The following MNAT1 variants were observed in gnomAD, a reference collection of about 807,000 sequenced individuals.
MNAT1 encodes MNAT1 component of CDK activating kinase.
A neutral mutation model predicts 42.0 loss-of-function variants in MNAT1; 43 were observed. That is an observed-to-expected ratio of 1.02 (90% CI 0.80 to 1.32). The LOEUF (loss-of-function observed/expected upper bound fraction) is 1.32. Among genes scored for constraint, MNAT1 ranks in the 40% most tolerant of loss-of-function variants. The pLI is 0.00. For synonymous variants in MNAT1, 118 were observed against 120.0 expected, an observed-to-expected ratio of 0.98 and a Z score of 0.11; for missense variants, 306 against 350.4, an observed-to-expected ratio of 0.87 and a Z score of 1.01.
At chr14:60,747,732 C>G (rs780501741) in intron 1 of MNAT1, among the ~76,000 whole-genome samples, 22 of 152,130 alleles carry the variant, frequency 1.4e-4, no homozygotes, top group Non-Finnish European at 7.4e-5. Flanking sequence ...AATTTTCTTT[C>G]TTCAATAATA....
rs79774659 is a variant in MNAT1 at position 60,965,795 on chromosome 14, G to A, written c.810-2434G>A. Among the ~76,000 whole-genome samples, 743 of 152,264 alleles carry A rather than the reference G, an allele frequency of 4.9e-3. 2 individuals carry two copies. The highest frequency in any genetic ancestry group is 0.028 in the East Asian group (145 of 5,176). On this transcript the variant is annotated intron_variant, in intron 7 of 7. Transcript: ENST00000261245. Reference sequence around the variant, plus strand: ...TGAGGATCTGAGGAAAGGAAAGGGTGATACATTATCATCTGGTGTGCGGAT... The same window carrying A: ...TGAGGATCTGAGGAAAGGAAAGGGTAATACATTATCATCTGGTGTGCGGAT...
At chr14:60,919,941 C>G (rs1383530665) in intron 7 of MNAT1, 2 of 158,816 alleles carry the variant, frequency 1.3e-5, no homozygotes, top group African/African-American at 4.8e-5. Flanking sequence ...TTGTTCCTCT[C>G]TGTATACTGG....
intron 1 of MNAT1, among the ~76,000 whole-genome samples, chr14:60,763,690 G>A (rs1371232557): frequency 6.6e-6 from 1 of 152,102 alleles, no homozygotes; most frequent in Non-Finnish European, 1.5e-5. Context: ...TAATAATTGA[G>A]CACAATTATT....
At chr14:60,883,098 C>G (rs1361235157) in intron 7 of MNAT1, among the ~76,000 whole-genome samples, 1 of 152,008 alleles carries the variant, frequency 6.6e-6, no homozygotes, top group African/African-American at 2.4e-5. Context: ...GTCCTACTTA[C>G]CTATTTTTGC....
intron 7 of MNAT1, among the ~76,000 whole-genome samples, chr14:60,896,867 A>G (rs2034968626): frequency 6.6e-6 from 1 of 152,222 alleles, no homozygotes; most frequent in South Asian, 2.1e-4. Flanking sequence ...AAATAAAAAA[A>G]AAAGACTTGT....
intron 7 of MNAT1, among the ~76,000 whole-genome samples, chr14:60,946,230 C>T (rs1333164688): frequency 6.6e-6 from 1 of 152,170 alleles, no homozygotes; most frequent in Non-Finnish European, 1.5e-5. Context: ...GTCGCTTCAT[C>T]AACCCTGAAT....
chr14:60,929,166 A>ATATATATAT (rs1355535249), intron 7 of MNAT1, among the ~76,000 whole-genome samples: 23 of 106,612 alleles, frequency 2.2e-4, no homozygotes, highest in African/African-American at 9.7e-4. Flanking sequence ...AAAAAAAAAA[A>ATATATATAT]AAAAATATAT....
intron 1 of MNAT1, among the ~76,000 whole-genome samples, chr14:60,762,545 A>C (rs940642190): frequency 7.9e-5 from 12 of 151,914 alleles, no homozygotes; most frequent in African/African-American, 2.9e-4. Flanking sequence ...ATCTCTACTA[A>C]AAATACAAAA....
chr14:60,738,253 ATTTTT>A (rs68107318), intron 1 of MNAT1, among the ~76,000 whole-genome samples: 2 of 105,516 alleles, frequency 1.9e-5, no homozygotes. Context: ...AACATCTTGG[ATTTTT>A]TTTTTTTTTT....
At chr14:60,809,932 A>G (rs942982685) in intron 4 of MNAT1, among the ~76,000 whole-genome samples, 1 of 152,062 alleles carries the variant, frequency 6.6e-6, no homozygotes, top group African/African-American at 2.4e-5. Context: ...AGAAGGATTG[A>G]TATTAATTCT....
At chr14:60,924,196 TTGTAAC>T (rs2139557912) in intron 7 of MNAT1, among the ~76,000 whole-genome samples, 1 of 152,310 alleles carries the variant, frequency 6.6e-6, no homozygotes, top group South Asian at 2.1e-4. Flanking sequence ...ATGGCAGTCT[TTGTAAC>T]TGTAATGAAA....
At chr14:60,777,577 G>T (rs1404412686) in intron 1 of MNAT1, among the ~76,000 whole-genome samples, 2 of 151,764 alleles carry the variant, frequency 1.3e-5, no homozygotes, top group East Asian at 1.9e-4. Context: ...CTTCATATTG[G>T]ATGTTTTTTT....
intron 6 of MNAT1, among the ~76,000 whole-genome samples, chr14:60,863,908 A>T (rs762391178): frequency 6.6e-6 from 1 of 152,132 alleles, no homozygotes; most frequent in East Asian, 1.9e-4. Context: ...CTGCATTGCC[A>T]GGAATTACTC....
intron 7 of MNAT1, among the ~76,000 whole-genome samples, chr14:60,933,652 T>C (rs879587551): frequency 6.6e-5 from 10 of 152,120 alleles, no homozygotes; most frequent in Non-Finnish European, 1.3e-4. Context: ...AAAAGCATAA[T>C]CACATCTAAA....
intron 7 of MNAT1, among the ~76,000 whole-genome samples, chr14:60,923,358 C>T (rs1488958106): frequency 1.3e-5 from 2 of 152,160 alleles, no homozygotes; most frequent in Non-Finnish European, 2.9e-5. Flanking sequence ...GAACCACTAG[C>T]TTAATCTTCG....
intron 7 of MNAT1, among the ~76,000 whole-genome samples, chr14:60,934,788 C>T (rs1394764532): frequency 3.3e-5 from 5 of 152,198 alleles, no homozygotes; most frequent in Non-Finnish European, 5.9e-5. Context: ...TTTTTCCTTC[C>T]TCTCTTTCTG....
chr14:60,783,738 T>C (rs2031544914), intron 1 of MNAT1, among the ~76,000 whole-genome samples: 1 of 152,206 alleles, frequency 6.6e-6, no homozygotes, highest in South Asian at 2.1e-4. Flanking sequence ...CCTCGTGATC[T>C]GCCTTCCTTG....
chr14:60,822,140 G>A (rs1167444406), intron 6 of MNAT1, among the ~76,000 whole-genome samples: 2 of 152,078 alleles, frequency 1.3e-5, no homozygotes, highest in African/African-American at 2.4e-5. Context: ...TAGTCTTAGT[G>A]CTTTTCTTTG....
rs1400313826 is a variant in MNAT1 at position 60,741,666 on chromosome 14, T to TG, written c.89+6715_89+6716insG. Among the ~76,000 whole-genome samples the TG allele has an allele frequency of 7.5e-5, 11 of 146,012 alleles. 1 individual carries two copies. Among genetic ancestry groups the TG allele is most frequent in the African/African-American group, 2.5e-4 (10 of 39,948 alleles). On this transcript the variant is annotated intron_variant, in intron 1 of 7. Transcript: ENST00000261245. ...GAGCCACTGCGCCTGGGGTTTTTTTTTTTTTTTTTTTTTTAATTTTTAGTA... is the reference window on the plus strand; with the variant it reads ...GAGCCACTGCGCCTGGGGTTTTTTTTGTTTTTTTTTTTTTTAATTTTTAGTA...
Sources: gnomAD v4.1 joint callset for allele counts (sites outside exome capture counted in the v4.1 genomes callset) on GRCh38, gnomAD v4.1.1 for gene constraint, MANE v1.5 for transcripts, NCBI Gene and HGNC (gene_info 2026-07-23, HGNC 2026-07-21) for gene names.